The following PTPRG variants were observed in gnomAD, a reference collection of about 807,000 sequenced individuals.
The protein encoded by PTPRG is protein tyrosine phosphatase receptor type G, also known as receptor-type tyrosine-protein phosphatase gamma.
PTPRG carries 102 observed loss-of-function variants against 165.3 expected under a neutral mutation model. The observed-to-expected ratio is 0.62, with a 90% CI of 0.53 to 0.73. The LOEUF (loss-of-function observed/expected upper bound fraction) is 0.73. Among genes scored for constraint, PTPRG ranks in the 30% least tolerant of loss-of-function variants. PTPRG has a pLI of 0.00. For synonymous variants in PTPRG, 675 were observed against 669.5 expected (o/e 1.01, Z -0.13); for missense variants, 1,866 against 1,861.4 (o/e 1.00, Z -0.05).
At chr3:62,019,413 C>G (rs2041629590) in intron 4 of PTPRG, among the ~76,000 whole-genome samples, 1 of 151,068 alleles carries the variant, frequency 6.6e-6, no homozygotes, top group Non-Finnish European at 1.5e-5. Flanking sequence ...GTCCCAGCTA[C>G]TTGGGAGGCT....
In PTPRG at chr3:61,664,417, T is replaced by C. The variant is rs142279778; in HGVS notation, c.86-84461T>C. On this transcript the variant is annotated intron_variant, in intron 1 of 29. Coordinates refer to ENST00000474889, the MANE Select transcript of PTPRG (RefSeq NM_002841.4). ...TCCAAGAGCATGACAGAATTATTTC[T>C]TTCTGTCACTAAGATTGTTGCAGTA... Among the ~76,000 whole-genome samples, 699 of 152,356 alleles carry C rather than the reference T, an allele frequency of 4.6e-3. 3 individuals carry two copies. Among genetic ancestry groups the C allele is most frequent in the African/African-American group, 0.016 (663 of 41,580 alleles).
chr3:62,095,175 C>T (rs945266498), intron 5 of PTPRG, among the ~76,000 whole-genome samples: 1 of 152,172 alleles, frequency 6.6e-6, no homozygotes, highest in African/African-American at 2.4e-5. Flanking sequence ...GAAGAGAGAG[C>T]ACGGTGTACC....
chr3:61,609,836 C>T (rs1039681049), intron 1 of PTPRG, among the ~76,000 whole-genome samples: 4 of 151,900 alleles, frequency 2.6e-5, no homozygotes, highest in African/African-American at 7.3e-5. Flanking sequence ...AGAGTGAGAT[C>T]CTATCTCAAA....
chr3:61,914,747 A>G (rs908670413), intron 2 of PTPRG, among the ~76,000 whole-genome samples: 7 of 152,200 alleles, frequency 4.6e-5, no homozygotes, highest in Non-Finnish European at 1.0e-4. Flanking sequence ...ATATGTAAGT[A>G]ATTTTAACAT....
rs963696846 is a variant in PTPRG, at chr3:62,092,046, G to T, written c.615+13788G>T. Among the ~76,000 whole-genome samples the T allele has an allele frequency of 9.7e-5, 14 of 144,086 alleles. No individual in the cohort carries two copies. The South Asian group carries it at 1.8e-3, about 19-fold the overall frequency. The allele number at this position is 144,086 out of a possible 152,430, so 94.5% of individuals were successfully genotyped here. On this transcript the variant is annotated intron_variant, in intron 5 of 29. Coordinates refer to ENST00000474889, the MANE Select transcript of PTPRG (RefSeq NM_002841.4). ...AAACGTGGTCCCTATCATTAGGGAGGTTACCCCTTATACATGGACACACAC... is the reference window on the plus strand; with the variant it reads ...AAACGTGGTCCCTATCATTAGGGAGTTTACCCCTTATACATGGACACACAC...
chr3:61,899,495 G>T (rs1559677296), intron 2 of PTPRG, among the ~76,000 whole-genome samples: 2 of 152,254 alleles, frequency 1.3e-5, no homozygotes, highest in Admixed American at 6.5e-5. Flanking sequence ...CTTTTAAAAG[G>T]CCCCTTCAGG....
In PTPRG at chr3:62,203,341, C is replaced by T; in HGVS notation, c.1546C>T (p.Leu516Phe). 2 of 1,613,452 alleles carry T rather than the reference C, an allele frequency of 1.2e-6. No individual in the cohort carries two copies. The highest frequency in any genetic ancestry group is 1.7e-6 in the Non-Finnish European group (2 of 1,179,824). Residue 516 changes from leucine (L) to phenylalanine (F), a missense_variant, in exon 12 of 30, where the codon CTC becomes TTC. Coordinates refer to ENST00000474889, the MANE Select transcript of PTPRG (RefSeq NM_002841.4). This position sits in a 1 kb window ranked among gnomAD's most constrained non-coding sequence, Gnocchi z 6.4. ...TVASVVTSTL[L>F]AGLGFGGGGI... is the part of the protein sequence containing the mutation. ...GGCCTCGGTGGTCACCAGCACGCTG[C>T]TCGCCGGCCTGGGGTTCGGCGGTGG...
chr3:61,903,412 C>A (rs1411180804), intron 2 of PTPRG, among the ~76,000 whole-genome samples: 1 of 152,174 alleles, frequency 6.6e-6, no homozygotes, highest in Admixed American at 6.5e-5. Context: ...CTTGTTCTGT[C>A]TCCCAGGCTG....
chr3:61,595,075 A>G (rs1184798489), intron 1 of PTPRG, among the ~76,000 whole-genome samples: 1 of 151,918 alleles, frequency 6.6e-6, no homozygotes, highest in Non-Finnish European at 1.5e-5. Context: ...AAACACACAG[A>G]TGACGGTCTA....
intron 16 of PTPRG, chr3:62,261,778 T>TC (rs1331171083): frequency 0.042 from 5 of 118 alleles, no homozygotes; most frequent in African/African-American, 0.17. Context: ...GAAGTGTACT[T>TC]CTCCCTGGGG....
chr3:62,123,073 AAC>A (rs565426118), intron 5 of PTPRG, among the ~76,000 whole-genome samples: 67 of 152,342 alleles, frequency 4.4e-4, no homozygotes, highest in Non-Finnish European at 7.6e-4. Context: ...AGCTTAAAAT[AAC>A]ACACATTTAT....
intron 1 of PTPRG, among the ~76,000 whole-genome samples, chr3:61,738,300 A>ATGTG (rs1559583330): frequency 3.3e-5 from 2 of 60,644 alleles, no homozygotes; most frequent in African/African-American, 1.1e-4. Flanking sequence ...ATATATATAT[A>ATGTG]TATATATATA....
At chr3:61,704,858 C>T (rs2031167372) in intron 1 of PTPRG, among the ~76,000 whole-genome samples, 1 of 152,222 alleles carries the variant, frequency 6.6e-6, no homozygotes, top group Admixed American at 6.5e-5. Flanking sequence ...CCACCACCTT[C>T]CTGAAGAACA....
At chr3:61,651,512 C>T (rs1702354349) in intron 1 of PTPRG, among the ~76,000 whole-genome samples, 1 of 152,066 alleles carries the variant, frequency 6.6e-6, no homozygotes, top group Non-Finnish European at 1.5e-5. Context: ...GTTCATGAGA[C>T]ACAGATTTCT....
chr3:61,818,109 C>G (rs1355038594), intron 2 of PTPRG, among the ~76,000 whole-genome samples: 2 of 152,070 alleles, frequency 1.3e-5, no homozygotes, highest in Non-Finnish European at 2.9e-5. Context: ...CACCCTAACC[C>G]CATGATTAGC....
At chr3:62,280,369 A>C (rs539306299) in intron 26 of PTPRG, among the ~76,000 whole-genome samples, 2 of 152,122 alleles carry the variant, frequency 1.3e-5, no homozygotes, top group African/African-American at 4.8e-5. Context: ...CAGAACTCAT[A>C]CAACTCAGTA....
intron 1 of PTPRG, among the ~76,000 whole-genome samples, chr3:61,600,821 T>C (rs199660432): frequency 6.6e-6 from 1 of 152,318 alleles, no homozygotes; most frequent in Middle Eastern, 3.4e-3. Context: ...GATTACAGGC[T>C]TGAGCCACTG....
intron 4 of PTPRG, among the ~76,000 whole-genome samples, chr3:62,052,316 G>A (rs372241385): frequency 2.9e-4 from 44 of 152,170 alleles, no homozygotes; most frequent in South Asian, 1.9e-3. Flanking sequence ...GTAGTTTATC[G>A]GTAAATAAAA....
At chr3:61,588,210 AAGG>A (rs1700482131) in intron 1 of PTPRG, among the ~76,000 whole-genome samples, 1 of 152,032 alleles carries the variant, frequency 6.6e-6, no homozygotes, top group Non-Finnish European at 1.5e-5. Flanking sequence ...CTGTTTCTGA[AAGG>A]AGGCATGGAG....
Sources: allele counts gnomAD v4.1 joint callset (sites outside exome capture counted in the v4.1 genomes callset), GRCh38; gene constraint gnomAD v4.1.1; non-coding constraint Gnocchi (gnomAD v3.1); transcripts MANE v1.5; gene names NCBI Gene and HGNC (gene_info 2026-07-23, HGNC 2026-07-21).